The following SLC25A37 variants were observed in gnomAD, a reference collection of about 807,000 sequenced individuals.
SLC25A37 encodes the protein solute carrier family 25 member 37.
In SLC25A37, 17 loss-of-function variants were observed where a neutral mutation model predicts 31.0. That is an observed-to-expected ratio of 0.55 (90% CI 0.38 to 0.82). The LOEUF (loss-of-function observed/expected upper bound fraction) is 0.82, where lower values mean the gene tolerates loss of function less well. Among genes scored for constraint, SLC25A37 ranks in the 40% least tolerant of loss-of-function variants. The pLI, the probability that SLC25A37 is intolerant of heterozygous loss-of-function variation, is 0.00. For synonymous variants in SLC25A37, 222 were observed against 193.0 expected (o/e 1.15, Z -1.24); for missense variants, 404 against 465.8 (o/e 0.87, Z 1.22).
intron 1 of SLC25A37, chr8:23,541,835 C>G (rs1801902205): frequency 6.6e-6 from 1 of 152,350 alleles, no homozygotes; most frequent in Non-Finnish European, 1.5e-5. Flanking sequence ...GACATCTTTT[C>G]AAAGGCAAGA....
At chr8:23,548,587 C>T (rs1802135665) in intron 1 of SLC25A37, among the ~76,000 whole-genome samples, 2 of 151,660 alleles carry the variant, frequency 1.3e-5, no homozygotes, top group South Asian at 4.2e-4. Context: ...GCTACTGCCT[C>T]AGCCTCCCAA....
rs1802930771 is a variant in SLC25A37 at position 23,574,094 on chromosome 8, G to T, written c.*2239G>T. ...CGCTGAAGCAAGGTATTTCCTACTG[G>T]ATTTTGCTTTCACTGGTGTTTAGAA... is the stretch of plus-strand genomic sequence containing the variant. On this transcript the variant is annotated 3_prime_UTR_variant, in exon 4 of 4. Transcript: ENST00000519973. 3 of 332,562 alleles carry T rather than the reference G, an allele frequency of 9.0e-6. No individual in the cohort carries two copies. The highest frequency in any genetic ancestry group is 1.8e-5 in the Non-Finnish European group (3 of 165,624). 20.6% of individuals were successfully genotyped at this position (332,562 alleles called of 1,614,324 possible). A position where few individuals can be genotyped will look rare whatever the true frequency, so the allele number is the denominator to read the frequency against.
chr8:23,558,828 G>C (rs1182320720), intron 1 of SLC25A37, among the ~76,000 whole-genome samples: 1 of 152,210 alleles, frequency 6.6e-6, no homozygotes, highest in Non-Finnish European at 1.5e-5. Context: ...GGCAGGTGCA[G>C]AGGAGGAATG....
chr8:23,558,441 G>A (rs1264507438), intron 1 of SLC25A37, among the ~76,000 whole-genome samples: 1 of 152,152 alleles, frequency 6.6e-6, no homozygotes, highest in Non-Finnish European at 1.5e-5. Context: ...GGGCTGGGCT[G>A]GATGTGGTCT....
chr8:23,546,519 A>G (rs1370335330), intron 1 of SLC25A37, among the ~76,000 whole-genome samples: 1 of 69,964 alleles, frequency 1.4e-5, no homozygotes, highest in South Asian at 5.6e-4. Flanking sequence ...ATAGGTATAT[A>G]TATATATAGG....
intron 1 of SLC25A37, among the ~76,000 whole-genome samples, chr8:23,549,784 C>T (rs1322135844): frequency 2.0e-5 from 2 of 102,182 alleles, no homozygotes; most frequent in Admixed American, 1.9e-4. Flanking sequence ...CATTTGCCCC[C>T]TGGCATCTCT....
At chr8:23,556,665 G>A (rs761987750) in intron 1 of SLC25A37, among the ~76,000 whole-genome samples, 11 of 152,048 alleles carry the variant, frequency 7.2e-5, no homozygotes, top group Admixed American at 6.5e-4. Flanking sequence ...TGTATTATAT[G>A]TATATTCTCT....
intron 1 of SLC25A37, among the ~76,000 whole-genome samples, chr8:23,562,720 A>T (rs1802548961): frequency 6.6e-6 from 1 of 152,186 alleles, no homozygotes; most frequent in African/African-American, 2.4e-5. Flanking sequence ...ATATTATCCC[A>T]TTTAATTTTC....
At chr8:23,568,075 C>G in intron 2 of SLC25A37, 1 of 550,870 alleles carries the variant, frequency 1.8e-6, no homozygotes, top group Non-Finnish European at 3.3e-6. Context: ...GGGTTGACTA[C>G]AAGAAAGAAA....
chr8:23,548,570 A>G (rs1802134981), intron 1 of SLC25A37, among the ~76,000 whole-genome samples: 1 of 150,218 alleles, frequency 6.7e-6, no homozygotes, highest in African/African-American at 2.5e-5. Context: ...TCCTGGGTTC[A>G]AGCGATGCTA....
intron 1 of SLC25A37, among the ~76,000 whole-genome samples, chr8:23,554,652 T>G (rs1176416029): frequency 6.6e-6 from 1 of 152,130 alleles, no homozygotes; most frequent in East Asian, 1.9e-4. Context: ...GAGACCAGAT[T>G]GGGTTCCTAG....
Position 23,573,529 on chromosome 8 carries a change from T to G in SLC25A37, c.*1674T>G. The G allele has an allele frequency of 3.8e-6, 1 of 263,992 alleles. No homozygotes were observed. The highest frequency in any genetic ancestry group is 4.6e-5 in the Admixed American group (1 of 21,596). 16.4% of individuals were successfully genotyped at this position (263,992 alleles called of 1,614,324 possible). ...CACCCATCACGGTCAGCGTGGTGCA[T>G]CTTACCGAGGAGGCGCAGGCCTGGA... On this transcript the variant is annotated 3_prime_UTR_variant, in exon 4 of 4. Coordinates refer to ENST00000519973, the MANE Select transcript of SLC25A37 (RefSeq NM_016612.4).
At chr8:23,530,143 A>G (rs758241950) in intron 1 of SLC25A37, among the ~76,000 whole-genome samples, 3 of 152,152 alleles carry the variant, frequency 2.0e-5, no homozygotes, top group South Asian at 2.1e-4. Flanking sequence ...TACACGTTGC[A>G]CTTTTATAGG....
chr8:23,549,556 C>T lies in SLC25A37; in HGVS notation c.211-16552C>T, dbSNP rs192267828. On this transcript the variant is annotated intron_variant, in intron 1 of 3. Transcript: ENST00000519973. The stretch of plus-strand genomic sequence containing the variant: ...GCGGTTGTTTCCTCTGGTGTTTCTC[C>T]CTGAGACCCTTAGAACGGCAAGCCT... 1.1e-4 allele frequency among the ~76,000 whole-genome samples: 17 copies of T among 152,290 alleles called. No individual in the cohort carries two copies. The East Asian group carries it at 3.1e-3, about 28-fold the overall frequency.
rs761690691 is a variant in SLC25A37 at position 23,572,593 on chromosome 8, AAAT to A, written c.*742_*744del. The A allele has an allele frequency of 6.6e-6, 1 of 151,734 alleles. No homozygotes were observed. Among genetic ancestry groups the A allele is most frequent in the Admixed American group, 6.6e-5 (1 of 15,186 alleles). 9.4% of individuals were successfully genotyped at this position (151,734 alleles called of 1,614,324 possible). The stretch of plus-strand genomic sequence containing the variant: ...GAAAAAAGGTACGTTAAAAAAATCA[AAAT>A]AATGATATGTCACTTGCAGCTACCT... On this transcript the variant is annotated 3_prime_UTR_variant, in exon 4 of 4. Coordinates refer to ENST00000519973, the MANE Select transcript of SLC25A37 (RefSeq NM_016612.4).
intron 1 of SLC25A37, among the ~76,000 whole-genome samples, chr8:23,555,025 A>G (rs1802326617): frequency 1.3e-5 from 2 of 151,934 alleles, no homozygotes; most frequent in African/African-American, 4.8e-5. Flanking sequence ...GCCCCACCCT[A>G]CCTTTCTTCC....
chr8:23,573,514 G>A lies in SLC25A37; in HGVS notation c.*1659G>A, dbSNP rs1196148838. 8.4e-6 allele frequency: 2 copies of A among 238,868 alleles called. No homozygotes were observed. Among genetic ancestry groups the A allele is most frequent in the Admixed American group, 9.9e-5 (2 of 20,170 alleles). The allele number at this position is 238,868 out of a possible 1,614,324, so 14.8% of individuals were successfully genotyped here. On this transcript the variant is annotated 3_prime_UTR_variant, in exon 4 of 4. Coordinates refer to ENST00000519973, the MANE Select transcript of SLC25A37 (RefSeq NM_016612.4). ...GTCCTGACCTGCCGCCACCCATCAC[G>A]GTCAGCGTGGTGCATCTTACCGAGG... is the stretch of plus-strand genomic sequence containing the variant.
At chr8:23,564,897 A>AATCT (rs1225679961) in intron 1 of SLC25A37, among the ~76,000 whole-genome samples, 1 of 151,974 alleles carries the variant, frequency 6.6e-6, no homozygotes, top group Non-Finnish European at 1.5e-5. Flanking sequence ...CTACCTATCT[A>AATCT]ATCTACCTAC....
intron 1 of SLC25A37, among the ~76,000 whole-genome samples, chr8:23,557,251 C>G (rs1009817521): frequency 6.6e-6 from 1 of 152,088 alleles, no homozygotes; most frequent in African/African-American, 2.4e-5. Context: ...AGGAAGGGAG[C>G]AGGTTTGAGT....
Sources: allele counts gnomAD v4.1 joint callset (sites outside exome capture counted in the v4.1 genomes callset), GRCh38; gene constraint gnomAD v4.1.1; transcripts MANE v1.5; gene names NCBI Gene and HGNC (gene_info 2026-07-23, HGNC 2026-07-21).